HNRNPL: variants seen among roughly 807,000 people sequenced by gnomAD.
The protein encoded by HNRNPL is epididymis secretory sperm binding protein.
Under a neutral mutation model 64.0 loss-of-function variants are expected in HNRNPL, and 12 were observed. The observed-to-expected ratio is 0.19, with a 90% CI of 0.12 to 0.30. The LOEUF is 0.30. Ranked by LOEUF, HNRNPL falls within the 10% of genes least tolerant of loss-of-function variation. HNRNPL has a pLI of 1.00. For missense variants in HNRNPL, 484 were observed against 797.4 expected (o/e 0.61, Z 4.73); for synonymous variants, 385 against 313.0 (o/e 1.23, Z -2.43).
At chr19:38,849,524 G>A (rs1039322544) in intron 1 of HNRNPL, among the ~76,000 whole-genome samples, 176 bp downstream of exon 1, 5 of 151,938 alleles carry the variant, frequency 3.3e-5, no homozygotes, top group African/African-American at 7.3e-5. Flanking sequence ...ACGCGCAGGC[G>A]CCTGTCCTCG....
intron 6 of HNRNPL, chr19:38,841,249 T>C (rs1394267741): frequency 3.5e-6 from 1 of 288,436 alleles, no homozygotes; most frequent in Non-Finnish European, 6.8e-6. Flanking sequence ...AGCGCTTAAG[T>C]GGCAGGCACT....
Position 38,847,500 on chromosome 19 carries a change from G to A in HNRNPL, c.268-66C>T, listed in dbSNP as rs1057331248. The A allele has an allele frequency of 4.2e-6, 4 of 952,412 alleles. No individual in the cohort carries two copies. The African/African-American group carries it at 5.1e-5, about 12-fold the overall frequency. 59.0% of individuals were successfully genotyped at this position (952,412 alleles called of 1,614,324 possible). On this transcript the variant is annotated intron_variant, in intron 1 of 12. Coordinates refer to ENST00000221419, the MANE Select transcript of HNRNPL (RefSeq NM_001533.3). ...ACAAGATGACGCCCCACTGGCCTCT[G>A]TACTGTTGTAGACCCAGTCAGATAA...
At chr19:38,849,410 G>A in intron 1 of HNRNPL, 1 of 360,086 alleles carries the variant, frequency 2.8e-6, no homozygotes, top group Non-Finnish European at 4.9e-6. Context: ...GCCGGGCCGC[G>A]TGCCCGGCCC....
intron 3 of HNRNPL, 28 bp downstream of exon 3, chr19:38,845,825 C>G: frequency 2.5e-6 from 4 of 1,604,860 alleles, no homozygotes; most frequent in Non-Finnish European, 3.4e-6. Context: ...GAAGGGAGAC[C>G]TCACAAGAAA....
intron 6 of HNRNPL, among the ~76,000 whole-genome samples, chr19:38,842,752 GC>G: frequency 6.6e-6 from 1 of 151,886 alleles, no homozygotes; most frequent in South Asian, 2.1e-4. Flanking sequence ...TTTTTTTTGG[GC>G]CCCAGCCTTG....
At chr19:38,841,518 A>G (rs1036382186) in intron 6 of HNRNPL, 7 of 563,636 alleles carry the variant, frequency 1.2e-5, no homozygotes, top group African/African-American at 1.9e-5. Context: ...GGGTTTTGTT[A>G]CCAGTCATTA....
intron 6 of HNRNPL, 23 bp from the exon 7 acceptor site, chr19:38,840,582 G>A: frequency 6.4e-7 from 1 of 1,557,678 alleles, no homozygotes; most frequent in Non-Finnish European, 8.7e-7. Context: ...AAAACAGTTA[G>A]GAGTCTCACT....
chr19:38,846,280 T>C (rs1297120770), intron 2 of HNRNPL, among the ~76,000 whole-genome samples, 190 bp from the exon 3 acceptor site: 1 of 152,210 alleles, frequency 6.6e-6, no homozygotes, highest in Non-Finnish European at 1.5e-5. Context: ...TGAGCCATCA[T>C]GTCCCTCTGG....
intron 9 of HNRNPL, 130 bp downstream of exon 9, chr19:38,838,764 G>T: frequency 7.2e-7 from 1 of 1,380,676 alleles, no homozygotes; most frequent in Non-Finnish European, 1.0e-6. Context: ...ACACGTCTGG[G>T]AACACACCTG....
In HNRNPL at chr19:38,849,726, C is replaced by G; in HGVS notation, c.241G>C (p.Gly81Arg). The G allele has an allele frequency of 1.5e-6, 2 of 1,378,938 alleles. No individual in the cohort carries two copies. Among genetic ancestry groups the G allele is most frequent in the Non-Finnish European group, 1.9e-6 (2 of 1,073,418 alleles). 85.4% of individuals were successfully genotyped at this position (1,378,938 alleles called of 1,614,324 possible). A position where few individuals can be genotyped will look rare whatever the true frequency, so the allele number is the denominator to read the frequency against. Residue 81 changes from glycine (G) to arginine (R), a missense_variant, in exon 1 of 13, where the codon GGG (glycine) becomes CGG (arginine). This residue lies in a region of HNRNPL where 190 missense variants were observed against 160.1 expected (regional missense o/e 1.19). Coordinates refer to ENST00000221419, the MANE Select transcript of HNRNPL (RefSeq NM_001533.3). ...GGGGGGGGGAGAAGGGGGGEN... is the reference protein window; with the variant it reads ...GGGGGGGGGARAAGGGGGGEN... ...CCACCGCCGCCGCCGCCCGCCGCCC[C>G]GGCTCCTCCACCGCCACCGCCGCCG...
chr19:38,850,722 C>T (rs75970479), upstream of HNRNPL, among the ~76,000 whole-genome samples: 421 of 152,308 alleles, frequency 2.8e-3, 2 homozygotes, highest in African/African-American at 9.7e-3. Flanking sequence ...GTATCTCTGT[C>T]GCCATCACTA....
upstream of HNRNPL, among the ~76,000 whole-genome samples, chr19:38,851,486 G>A (rs1046911259): frequency 2.0e-5 from 3 of 152,156 alleles, no homozygotes; most frequent in Non-Finnish European, 2.9e-5. Flanking sequence ...CCAAAGGGGG[G>A]AAAAGAAATA....
At chr19:38,852,042 G>T (rs2145448081), upstream of HNRNPL, among the ~76,000 whole-genome samples, 1 of 150,714 alleles carries the variant, frequency 6.6e-6, no homozygotes, top group Non-Finnish European at 1.5e-5. Context: ...GAGAGAGAGG[G>T]CCCCTCCCCT....
At chr19:38,836,834 C>G (rs1028089294) in intron 12 of HNRNPL, 54 bp from the exon 13 acceptor site, 1 of 1,374,160 alleles carries the variant, frequency 7.3e-7, no homozygotes. Context: ...CTCCCCAAAC[C>G]CAGGTCCCCT....
intron 3 of HNRNPL, 46 bp downstream of exon 3, chr19:38,845,807 G>A (rs1568373068): frequency 6.3e-7 from 1 of 1,597,918 alleles, no homozygotes; most frequent in Non-Finnish European, 8.6e-7. Context: ...GGAATAAGGG[G>A]AGAAAAGGAA....
At position 38,840,474 on chromosome 19, in the gene HNRNPL, C is replaced by T. The variant is rs773325531; in HGVS notation, c.952+14G>A. Reference sequence around the variant, plus strand: ...AGCCACGGGAGTCCACGGAGGGGAACCCCCTGCCCTCACCATATTCTGCGG... The same window carrying T: ...AGCCACGGGAGTCCACGGAGGGGAATCCCCTGCCCTCACCATATTCTGCGG... On this transcript the variant is annotated intron_variant, in intron 7 of 12. Coordinates refer to ENST00000221419, the MANE Select transcript of HNRNPL (RefSeq NM_001533.3). The T allele has an allele frequency of 2.5e-6, 4 of 1,579,856 alleles. No individual in the cohort carries two copies. The highest frequency in any genetic ancestry group is 2.3e-5 in the South Asian group (2 of 86,606).
intron 4 of HNRNPL, chr19:38,844,874 G>C: frequency 6.6e-6 from 1 of 152,024 alleles, no homozygotes; most frequent in East Asian, 1.9e-4. Flanking sequence ...ACCATGCCTG[G>C]CTATTTTTTG....
chr19:38,840,057 G>T, intron 8 of HNRNPL, 39 bp downstream of exon 8: 1 of 1,605,438 alleles, frequency 6.2e-7, no homozygotes, highest in Non-Finnish European at 8.5e-7. Context: ...CAAGATACGA[G>T]GCTCAGCGAG....
At chr19:38,850,012 C>A, upstream of HNRNPL, 2 of 1,301,566 alleles carry the variant, frequency 1.5e-6, no homozygotes, top group Non-Finnish European at 2.0e-6. Context: ...GGGGGAGGGA[C>A]ACGCCCGTCA....
Sources: gnomAD v4.1 joint callset for allele counts (sites outside exome capture counted in the v4.1 genomes callset) on GRCh38, gnomAD v4.1.1 for gene constraint, gnomAD v4.1.1 regional missense constraint, MANE v1.5 for transcripts, NCBI Gene and HGNC (gene_info 2026-07-23, HGNC 2026-07-21) for gene names.